The following ARHGAP26 variants were observed in gnomAD, a reference collection of about 807,000 sequenced individuals.
ARHGAP26 encodes the protein Rho GTPase activating protein 26, also known as rho GTPase-activating protein 26.
ARHGAP26 carries 38 observed loss-of-function variants against 104.8 expected under a neutral mutation model. That is an observed-to-expected ratio of 0.36 (90% CI 0.28 to 0.48). ARHGAP26 has a LOEUF of 0.48. Among genes scored for constraint, ARHGAP26 ranks in the 20% least tolerant of loss-of-function variants. ARHGAP26 has a pLI of 0.99. For missense variants in ARHGAP26, 704 were observed against 947.9 expected (o/e 0.74, Z 3.38); for synonymous variants, 341 against 340.0 (o/e 1.00, Z -0.03).
At chr5:142,927,355 C>G (rs1239430579) in intron 10 of ARHGAP26, among the ~76,000 whole-genome samples, 1 of 151,226 alleles carries the variant, frequency 6.6e-6, no homozygotes, top group Admixed American at 6.6e-5. Flanking sequence ...AATCACTCTT[C>G]TGACTTCTGT....
At chr5:142,791,722 G>T (rs1201467211) in intron 1 of ARHGAP26, among the ~76,000 whole-genome samples, 1 of 152,098 alleles carries the variant, frequency 6.6e-6, no homozygotes, top group Non-Finnish European at 1.5e-5. Flanking sequence ...CCAGCACTTT[G>T]GGAGGCCAAG....
chr5:142,965,506 A>C (rs1390084233), intron 11 of ARHGAP26, among the ~76,000 whole-genome samples: 2 of 152,218 alleles, frequency 1.3e-5, no homozygotes, highest in East Asian at 3.8e-4. Context: ...CAGAAGGCTC[A>C]CACTCTTGTC....
rs1811502860 is a variant in ARHGAP26 at position 143,224,457 on chromosome 5, A to G, written c.*2011A>G. 4.4e-6 allele frequency: 1 copy of G among 228,876 alleles called. No individual in the cohort carries two copies. Among genetic ancestry groups the G allele is most frequent in the African/African-American group, 2.2e-5 (1 of 45,078 alleles). 14.2% of individuals were successfully genotyped at this position (228,876 alleles called of 1,614,324 possible). ...CTCCAGGCAATGAGTTTTTCAAAGA[A>G]TGCCTACTTAGTAGTAAGATGAAGC... On this transcript the variant is annotated 3_prime_UTR_variant, in exon 23 of 23. Coordinates refer to ENST00000645722, the MANE Select transcript of ARHGAP26 (RefSeq NM_001135608.3).
chr5:143,066,991 G>C (rs972327159), intron 17 of ARHGAP26, among the ~76,000 whole-genome samples: 1 of 151,746 alleles, frequency 6.6e-6, no homozygotes, highest in African/African-American at 2.4e-5. Context: ...AAGCCACGTA[G>C]GGCTGATTTC....
chr5:143,033,410 C>T (rs1314081775), intron 12 of ARHGAP26, among the ~76,000 whole-genome samples: 2 of 152,210 alleles, frequency 1.3e-5, no homozygotes, highest in East Asian at 1.9e-4. Flanking sequence ...TATTTGGAAG[C>T]GTCCATTTTA....
chr5:142,963,188 A>ACATATATATATATG, intron 11 of ARHGAP26, among the ~76,000 whole-genome samples: 1 of 109,798 alleles, frequency 9.1e-6, no homozygotes, highest in East Asian at 2.8e-4. Context: ...ATATATATAT[A>ACATATATATATATG]TATATATATA....
intron 5 of ARHGAP26, among the ~76,000 whole-genome samples, chr5:142,890,090 C>T (rs1278049378): frequency 7.3e-5 from 10 of 136,514 alleles, no homozygotes; most frequent in African/African-American, 1.9e-4. Flanking sequence ...GAGCCGAATT[C>T]GCGCCATTGT....
Position 142,821,190 on chromosome 5 carries a change from G to A in ARHGAP26, c.154+50275G>A, listed in dbSNP as rs368837666. ...TGTTTCTGTGGACCAAGAGAAGAGCGGGTGAATTACTCACACATGGGCCAA... is the reference window on the plus strand; with the variant it reads ...TGTTTCTGTGGACCAAGAGAAGAGCAGGTGAATTACTCACACATGGGCCAA... On this transcript the variant is annotated intron_variant, in intron 1 of 22. Coordinates refer to ENST00000645722, the MANE Select transcript of ARHGAP26 (RefSeq NM_001135608.3). 5.2e-4 allele frequency among the ~76,000 whole-genome samples: 79 copies of A among 152,100 alleles called. 1 individual carries two copies. The South Asian group carries it at 9.3e-3, about 18-fold the overall frequency.
chr5:143,121,005 A>G lies in ARHGAP26; in HGVS notation c.1556A>G (p.Lys519Arg), dbSNP rs1796064260. ...CCTCCCAGTGTTGCTAACAACCACA[A>G]GCAGAATTTGATGACGGTGGCAAAC... The part of the protein sequence containing the change: ...NHLANVANNH[K>R]QNLMTVANLG... The change falls in exon 18 of 23, where the codon AAG becomes AGG. Residue 519 changes from lysine (K) to arginine (R), a missense_variant. Physicochemically the swap from Lys to Arg is conservative, Grantham distance 26. Around this residue, in one of 6 missense-constraint regions of ARHGAP26, gnomAD observed 287 missense variants for 438.8 expected, o/e 0.65. Transcript: ENST00000645722. 1 of 1,613,340 alleles carries G rather than the reference A, an allele frequency of 6.2e-7. No homozygotes were observed.
At chr5:143,201,475 T>C (rs1807710278) in intron 20 of ARHGAP26, among the ~76,000 whole-genome samples, 1 of 152,172 alleles carries the variant, frequency 6.6e-6, no homozygotes, top group Non-Finnish European at 1.5e-5. Context: ...CATTTTGAAA[T>C]TTGTCTGTTT....
chr5:143,199,465 C>T (rs924010163), intron 20 of ARHGAP26, among the ~76,000 whole-genome samples: 4 of 152,154 alleles, frequency 2.6e-5, no homozygotes, highest in Non-Finnish European at 4.4e-5. Flanking sequence ...TACCTTAAGT[C>T]AAGCCAGAAA....
chr5:143,070,893 CA>C (rs1387942670), intron 17 of ARHGAP26, among the ~76,000 whole-genome samples: 1 of 151,900 alleles, frequency 6.6e-6, no homozygotes, highest in African/African-American at 2.4e-5. Flanking sequence ...GCCTGGGTGA[CA>C]GATCTTGACA....
intron 1 of ARHGAP26, among the ~76,000 whole-genome samples, chr5:142,832,612 C>G (rs1768701274): frequency 6.6e-6 from 1 of 152,246 alleles, no homozygotes; most frequent in Non-Finnish European, 1.5e-5. Flanking sequence ...CACAGGACAT[C>G]TAGGGAAGCG....
At chr5:143,095,253 G>GTA (rs748442170) in intron 17 of ARHGAP26, among the ~76,000 whole-genome samples, 8 of 151,840 alleles carry the variant, frequency 5.3e-5, no homozygotes, top group East Asian at 1.9e-4. Context: ...CCATTTTAAA[G>GTA]TATACAATTC....
At chr5:143,065,282 T>A (rs1787319544) in intron 17 of ARHGAP26, among the ~76,000 whole-genome samples, 1 of 152,154 alleles carries the variant, frequency 6.6e-6, no homozygotes, top group South Asian at 2.1e-4. Flanking sequence ...GTGGATAAAT[T>A]GATTCGCTCA....
chr5:143,130,037 A>G (rs1797145530), intron 18 of ARHGAP26, among the ~76,000 whole-genome samples: 1 of 152,104 alleles, frequency 6.6e-6, no homozygotes, highest in South Asian at 2.1e-4. Flanking sequence ...ATTTGATGTG[A>G]TGATATGGCA....
chr5:143,096,735 A>G (rs906495864), intron 17 of ARHGAP26, among the ~76,000 whole-genome samples: 1 of 151,236 alleles, frequency 6.6e-6, no homozygotes, highest in African/African-American at 2.4e-5. Context: ...TACAATGACT[A>G]TTGGTATAAC....
intron 12 of ARHGAP26, among the ~76,000 whole-genome samples, chr5:143,024,477 G>A (rs1199653942): frequency 6.6e-6 from 1 of 152,092 alleles, no homozygotes; most frequent in Non-Finnish European, 1.5e-5. Context: ...TTGGGCTTCA[G>A]CCAAGAGACA....
intron 1 of ARHGAP26, among the ~76,000 whole-genome samples, chr5:142,778,507 T>A (rs1192864474): frequency 6.6e-6 from 1 of 152,226 alleles, no homozygotes; most frequent in Non-Finnish European, 1.5e-5. Context: ...TTCGAGTTGA[T>A]CATTTGTCTT....
Sources: allele counts gnomAD v4.1 joint callset (sites outside exome capture counted in the v4.1 genomes callset), GRCh38; gene constraint gnomAD v4.1.1; regional missense constraint gnomAD v4.1.1; transcripts MANE v1.5; gene names NCBI Gene and HGNC (gene_info 2026-07-23, HGNC 2026-07-21).